The following ADAMTS20 variants were observed in gnomAD, a reference collection of about 807,000 sequenced individuals.
ADAMTS20 encodes the protein ADAM metallopeptidase with thrombospondin type 1 motif 20.
Under a neutral mutation model 260.1 loss-of-function variants are expected in ADAMTS20, and 225 were observed. The ratio of observed to expected loss-of-function variants is 0.87; its 90% confidence interval spans 0.78 to 0.97. The LOEUF (loss-of-function observed/expected upper bound fraction) is 0.97, where lower values mean the gene tolerates loss of function less well. Among genes scored for constraint, ADAMTS20 ranks in the 50% least tolerant of loss-of-function variants. The pLI, the probability that ADAMTS20 is intolerant of heterozygous loss-of-function variation, is 0.00. For synonymous variants in ADAMTS20, 802 were observed against 769.5 expected, an observed-to-expected ratio of 1.04 and a Z score of -0.70; for missense variants, 2,400 against 2,337.7, an observed-to-expected ratio of 1.03 and a Z score of -0.55.
At chr12:43,469,648 A>G (rs566230398) in intron 7 of ADAMTS20, among the ~76,000 whole-genome samples, 40 of 152,274 alleles carry the variant, frequency 2.6e-4, no homozygotes, top group Non-Finnish European at 5.1e-4. Flanking sequence ...ATAGATAATC[A>G]GTTTCTTACT....
chr12:43,379,221 T>A (rs1310705431), intron 31 of ADAMTS20, among the ~76,000 whole-genome samples: 1 of 152,210 alleles, frequency 6.6e-6, no homozygotes, highest in East Asian at 1.9e-4. Context: ...TAGGGACATT[T>A]GTTGCGCTCA....
At position 43,376,547 on chromosome 12, in the gene ADAMTS20, T is replaced by C; in HGVS notation, c.5102A>G (p.Gln1701Arg). ...ACAGTCATTGGCATAACATTTCTTT[T>C]GAGCACCTGGTTTTAAATGGTTTAA... ...LCLNHLKPGA[Q>R]KKCYANDCKS... Residue 1701 changes from glutamine (Q) to arginine (R), a missense_variant, in exon 33 of 39, where the codon CAA (glutamine) becomes CGA (arginine). Physicochemically the swap from Gln to Arg is conservative, Grantham distance 43 (BLOSUM62 1). Coordinates refer to ENST00000389420, the MANE Select transcript of ADAMTS20 (RefSeq NM_025003.5). 6.2e-7 allele frequency: 1 copy of C among 1,613,180 alleles called. No individual in the cohort carries two copies. Among genetic ancestry groups the C allele is most frequent in the East Asian group, 2.2e-5 (1 of 44,864 alleles).
chr12:43,540,594 AT>A (rs914764800), intron 2 of ADAMTS20, among the ~76,000 whole-genome samples: 5 of 150,588 alleles, frequency 3.3e-5, no homozygotes, highest in African/African-American at 7.3e-5. Flanking sequence ...AGCACTTTAA[AT>A]TTTTTTTTAA....
chr12:43,544,855 C>G (rs1196053295), intron 2 of ADAMTS20, among the ~76,000 whole-genome samples: 1 of 152,178 alleles, frequency 6.6e-6, no homozygotes, highest in Non-Finnish European at 1.5e-5. Flanking sequence ...CTCCAGAATT[C>G]TAAGGGGTCT....
At chr12:43,525,443 G>T (rs891797882) in intron 3 of ADAMTS20, among the ~76,000 whole-genome samples, 2 of 152,100 alleles carry the variant, frequency 1.3e-5, no homozygotes, top group African/African-American at 2.4e-5. Flanking sequence ...GCATAATACA[G>T]GGCCTATGAA....
intron 29 of ADAMTS20, among the ~76,000 whole-genome samples, chr12:43,386,774 A>T (rs1940488212): frequency 6.6e-6 from 1 of 152,124 alleles, no homozygotes; most frequent in African/African-American, 2.4e-5. Context: ...TGCTTCATTG[A>T]TTCAGCTATT....
rs1213218179 is a variant in ADAMTS20, at chr12:43,502,494, A to G, written c.614-89T>C. The G allele has an allele frequency of 4.3e-6, 5 of 1,168,786 alleles. No homozygotes were observed. The Admixed American group carries it at 1.2e-4, about 29-fold the overall frequency. The allele number at this position is 1,168,786 out of a possible 1,614,324, so 72.4% of individuals were successfully genotyped here. A position where few individuals can be genotyped will look rare whatever the true frequency, so the allele number is the denominator to read the frequency against. On this transcript the variant is annotated intron_variant, in intron 3 of 38. Coordinates refer to ENST00000389420, the MANE Select transcript of ADAMTS20 (RefSeq NM_025003.5). ...AAAATAGAACAGCCAAAAATATTTA[A>G]TACTTACATATCTGTTCCCAACATG...
intron 7 of ADAMTS20, among the ~76,000 whole-genome samples, chr12:43,487,648 AATTT>A (rs1170558055): frequency 1.3e-5 from 2 of 152,182 alleles, no homozygotes; most frequent in Non-Finnish European, 2.9e-5. Flanking sequence ...GAAAGAAAAT[AATTT>A]ATTATTGAAT....
At chr12:43,425,833 G>A in intron 27 of ADAMTS20, 143 bp from the exon 28 acceptor site, 2 of 504,156 alleles carry the variant, frequency 4.0e-6, no homozygotes, top group Admixed American at 8.4e-5. Flanking sequence ...TGTTACTCTA[G>A]TAATGGTAGC....
chr12:43,448,495 A>G, intron 14 of ADAMTS20, among the ~76,000 whole-genome samples: 1 of 152,326 alleles, frequency 6.6e-6, no homozygotes, highest in Middle Eastern at 3.4e-3. Flanking sequence ...TCAACTCATG[A>G]TGGATTAAAG....
intron 28 of ADAMTS20, among the ~76,000 whole-genome samples, chr12:43,411,674 C>G (rs1257669389): frequency 1.3e-5 from 2 of 152,116 alleles, no homozygotes; most frequent in African/African-American, 2.4e-5. Context: ...GGCTCAGCAT[C>G]TGCTTTTTAA....
At chr12:43,420,627 C>T (rs1474873414) in intron 28 of ADAMTS20, among the ~76,000 whole-genome samples, 1 of 151,902 alleles carries the variant, frequency 6.6e-6, no homozygotes, top group Non-Finnish European at 1.5e-5. Flanking sequence ...GCAGTTTCTT[C>T]CTGAGTGCAT....
At chr12:43,361,695 TAGAA>T (rs1939871574) in intron 37 of ADAMTS20, among the ~76,000 whole-genome samples, 1 of 152,200 alleles carries the variant, frequency 6.6e-6, no homozygotes, top group African/African-American at 2.4e-5. Context: ...GAAAGGGAGT[TAGAA>T]AGAAATGGAA....
At chr12:43,373,002 T>C (rs2137205520) in intron 36 of ADAMTS20, among the ~76,000 whole-genome samples, 1 of 152,354 alleles carries the variant, frequency 6.6e-6, no homozygotes. Context: ...GAGAATGGAC[T>C]AGGGAAGTGC....
Position 43,434,410 on chromosome 12 carries a change from A to C in ADAMTS20, c.2594-39T>G. The C allele has an allele frequency of 2.0e-6, 3 of 1,538,288 alleles. No homozygotes were observed. In the East Asian group the frequency reaches 7.2e-5, roughly 37 times the overall value. On this transcript the variant is annotated intron_variant, in intron 18 of 38. Transcript: ENST00000389420. ...AAATGAAAATAAAAAATGAAAGAAAAATTCACAGTTAGATGTTCCATAATT... is the reference window on the plus strand; with the variant it reads ...AAATGAAAATAAAAAATGAAAGAAACATTCACAGTTAGATGTTCCATAATT...
intron 2 of ADAMTS20, among the ~76,000 whole-genome samples, chr12:43,549,469 A>G (rs374412740): frequency 6.6e-6 from 1 of 152,230 alleles, no homozygotes. Context: ...TTAAAAAAGG[A>G]TACTGAATAA....
chr12:43,354,594 C>T (rs1443102444), intron 38 of ADAMTS20, among the ~76,000 whole-genome samples: 1 of 152,006 alleles, frequency 6.6e-6, no homozygotes, highest in African/African-American at 2.4e-5. Context: ...AATCTCAATC[C>T]ACATATTTTT....
chr12:43,471,049 G>A, intron 7 of ADAMTS20, among the ~76,000 whole-genome samples: 1 of 152,260 alleles, frequency 6.6e-6, no homozygotes, highest in Admixed American at 6.5e-5. Flanking sequence ...GAAGACGGGT[G>A]ATTTCTGCAT....
At chr12:43,426,265 A>G (rs1318242438) in intron 27 of ADAMTS20, among the ~76,000 whole-genome samples, 1 of 152,206 alleles carries the variant, frequency 6.6e-6, no homozygotes, top group Non-Finnish European at 1.5e-5. Context: ...AAAAGTTTGT[A>G]TCTCTATTTG....
Sources: gnomAD v4.1 joint callset for allele counts (sites outside exome capture counted in the v4.1 genomes callset) on GRCh38, gnomAD v4.1.1 for gene constraint, MANE v1.5 for transcripts, NCBI Gene and HGNC (gene_info 2026-07-23, HGNC 2026-07-21) for gene names.